CRB1: variants seen among roughly 807,000 people sequenced by gnomAD.
The protein encoded by CRB1 is protein crumbs homolog 1.
Under a neutral mutation model 120.0 loss-of-function variants are expected in CRB1, and 83 were observed. The ratio of observed to expected loss-of-function variants is 0.69; its 90% CI spans 0.58 to 0.83. The LOEUF (loss-of-function observed/expected upper bound fraction) is 0.83, where lower values mean the gene tolerates loss of function less well. CRB1 is among the 40% of genes least tolerant of loss of function. The probability of loss-of-function intolerance (pLI) is 0.00; values close to 1 mark genes in which losing one functional copy is unlikely to be tolerated. For missense variants in CRB1, 1,699 were observed against 1,687.6 expected, an observed-to-expected ratio of 1.01 and a Z score of -0.12; for synonymous variants, 625 against 612.5, an observed-to-expected ratio of 1.02 and a Z score of -0.30.
intron 11 of CRB1, among the ~76,000 whole-genome samples, chr1:197,466,501 T>C (rs994187193): frequency 1.2e-4 from 19 of 152,156 alleles, no homozygotes; most frequent in African/African-American, 4.6e-4. Flanking sequence ...CTCAGTAAAA[T>C]AAGCTTGGTG....
At chr1:197,405,148 G>A (rs1232763587) in intron 5 of CRB1, among the ~76,000 whole-genome samples, 1 of 151,964 alleles carries the variant, frequency 6.6e-6, no homozygotes, top group Non-Finnish European at 1.5e-5. Flanking sequence ...CTGTACTGCT[G>A]CCATCTCGGC....
intron 6 of CRB1, among the ~76,000 whole-genome samples, chr1:197,426,989 C>T (rs78623420): frequency 0.014 from 2,156 of 152,286 alleles, 39 homozygotes; most frequent in African/African-American, 0.048. Context: ...ATGTTTGCTT[C>T]AGCATGCCTC....
chr1:197,289,456 T>G (rs994746513), intron 1 of CRB1, among the ~76,000 whole-genome samples: 1 of 151,792 alleles, frequency 6.6e-6, no homozygotes, highest in Non-Finnish European at 1.5e-5. Flanking sequence ...GTGCCTTGGT[T>G]GGGGATTTAT....
chr1:197,434,896 A>G lies in CRB1; in HGVS notation c.3033A>G (p.Gln1011=). 6.2e-7 allele frequency: 1 copy of G among 1,613,890 alleles called. No homozygotes were observed. Among genetic ancestry groups the G allele is most frequent in the South Asian group, 1.1e-5 (1 of 91,084 alleles). ...TTCAAGATTCCAGATTATTCTTTCA[A>G]TTGCAAAGTGGCAACAGCTTTTATA... ...ISIQDSRLFF[Q]LQSGNSFYML... Residue 1011 remains glutamine, a synonymous_variant, in exon 9 of 12, where the codon CAA becomes CAG. Transcript: ENST00000367400.
At chr1:197,287,084 A>G (rs1434562022) in intron 1 of CRB1, among the ~76,000 whole-genome samples, 1 of 151,872 alleles carries the variant, frequency 6.6e-6, no homozygotes, top group East Asian at 1.9e-4. Flanking sequence ...TCATATATTC[A>G]TAGGTCACAG....
chr1:197,324,138 C>T lies in CRB1; in HGVS notation c.71-4284C>T, dbSNP rs1288843032. 2.6e-5 allele frequency among the ~76,000 whole-genome samples: 4 copies of T among 152,030 alleles called. No individual in the cohort carries two copies. The South Asian group carries it at 8.3e-4, about 32-fold the overall frequency. On this transcript the variant is annotated intron_variant, in intron 1 of 11. Transcript: ENST00000367400. ...ATCTTCTTACCTGGAGTAAGAAAGT[C>T]GTGTTTCAAGGAGTTTGCATGAGTA...
At chr1:197,320,973 G>A (rs1658156924) in intron 1 of CRB1, among the ~76,000 whole-genome samples, 1 of 152,178 alleles carries the variant, frequency 6.6e-6, no homozygotes, top group Non-Finnish European at 1.5e-5. Flanking sequence ...TCAAATCTCA[G>A]AAGGATGTCA....
the CRB1 span, among the ~76,000 whole-genome samples, chr1:197,261,272 G>C: frequency 6.6e-6 from 1 of 152,088 alleles, no homozygotes; most frequent in Admixed American, 6.5e-5. Flanking sequence ...ATTTACCCTA[G>C]AGAAACTCTT....
At chr1:197,459,634 G>A (rs1377300503) in intron 11 of CRB1, among the ~76,000 whole-genome samples, 1 of 152,080 alleles carries the variant, frequency 6.6e-6, no homozygotes, top group Admixed American at 6.6e-5. Flanking sequence ...TGACATTGGC[G>A]ATTAGGTTTC....
chr1:197,270,701 A>T (rs1654859669), intron 1 of CRB1, among the ~76,000 whole-genome samples: 1 of 152,146 alleles, frequency 6.6e-6, no homozygotes, highest in Non-Finnish European at 1.5e-5. Context: ...GAAGAAACTG[A>T]GGCACATAGA....
chr1:197,235,682 G>A, the CRB1 span, among the ~76,000 whole-genome samples: 1 of 152,146 alleles, frequency 6.6e-6, no homozygotes, highest in Admixed American at 6.5e-5. Flanking sequence ...CCACAGACTC[G>A]TAAGTTAAAT....
chr1:197,465,440 T>C (rs1441696035), intron 11 of CRB1, among the ~76,000 whole-genome samples: 1 of 152,180 alleles, frequency 6.6e-6, no homozygotes, highest in African/African-American at 2.4e-5. Context: ...TTTTACCAAA[T>C]GGCTTATGAA....
chr1:197,461,781 G>T lies in CRB1; in HGVS notation c.4006-15883G>T, dbSNP rs565606088. ...CTGGCAAACAATCCAAGTCGCACCT[G>T]GATATATCAGACCTTACTCATCATT... On this transcript the variant is annotated intron_variant, in intron 11 of 11. Coordinates refer to ENST00000367400, the MANE Select transcript of CRB1 (RefSeq NM_201253.3). 4.6e-5 allele frequency among the ~76,000 whole-genome samples: 7 copies of T among 152,218 alleles called. No individual in the cohort carries two copies. The East Asian group carries it at 1.4e-3, about 29-fold the overall frequency.
In CRB1 at chr1:197,422,049, A is replaced by G. The variant is rs1340073727; in HGVS notation, c.2128+93A>G. 1.8e-5 allele frequency: 21 copies of G among 1,171,234 alleles called. No individual in the cohort carries two copies. The Admixed American group carries it at 3.9e-4, about 22-fold the overall frequency. The allele number at this position is 1,171,234 out of a possible 1,614,324, so 72.6% of individuals were successfully genotyped here. Reference sequence around the variant, plus strand: ...AGCCAGACTGCTTCTGCCTGCTATGAAACATAATGACCCCACAAGACTTCT... The same window carrying G: ...AGCCAGACTGCTTCTGCCTGCTATGGAACATAATGACCCCACAAGACTTCT... On this transcript the variant is annotated intron_variant, in intron 6 of 11. Transcript: ENST00000367400.
At chr1:197,328,346 C>A in intron 1 of CRB1, 76 bp from the exon 2 acceptor site, 1 of 1,239,674 alleles carries the variant, frequency 8.1e-7, no homozygotes, top group Non-Finnish European at 1.2e-6. Flanking sequence ...TGAGGCAGCA[C>A]AAAGGTCACA....
At chr1:197,385,541 G>C (rs1490242351) in intron 5 of CRB1, among the ~76,000 whole-genome samples, 1 of 151,992 alleles carries the variant, frequency 6.6e-6, no homozygotes, top group African/African-American at 2.4e-5. Flanking sequence ...AAGTTCAATA[G>C]TACAAGTGAT....
At chr1:197,282,531 G>C (rs1170500570) in intron 1 of CRB1, among the ~76,000 whole-genome samples, 2 of 151,774 alleles carry the variant, frequency 1.3e-5, no homozygotes, top group Non-Finnish European at 1.5e-5. Flanking sequence ...AACCAAATTT[G>C]CACGTTTATA....
At chr1:197,221,791 C>T in the CRB1 span, among the ~76,000 whole-genome samples, 2 of 152,118 alleles carry the variant, frequency 1.3e-5, no homozygotes, top group Non-Finnish European at 2.9e-5. Context: ...TATATCTAAC[C>T]ACCTAGCCCT....
chr1:197,372,776 C>A (rs1661439566), intron 5 of CRB1, among the ~76,000 whole-genome samples: 1 of 151,576 alleles, frequency 6.6e-6, no homozygotes, highest in Admixed American at 6.6e-5. Context: ...TGTACGCATA[C>A]AAGGCTGAGG....
Sources: allele counts gnomAD v4.1 joint callset (sites outside exome capture counted in the v4.1 genomes callset), GRCh38; gene constraint gnomAD v4.1.1; transcripts MANE v1.5; gene names NCBI Gene and HGNC (gene_info 2026-07-23, HGNC 2026-07-21).